Variants in LRRC4C observed in about 807,000 individuals in gnomAD.
LRRC4C encodes the protein leucine rich repeat containing 4C, also known as leucine-rich repeat-containing protein 4C.
Under a neutral mutation model 33.6 loss-of-function variants are expected in LRRC4C, and 5 were observed. That is an observed-to-expected ratio of 0.15 (90% confidence interval 0.08 to 0.31). The LOEUF is 0.31. Among genes scored for constraint, LRRC4C ranks in the 10% least tolerant of loss-of-function variants. The pLI is 1.00. For missense variants in LRRC4C, 560 were observed against 796.7 expected (o/e 0.70, Z 3.58); for synonymous variants, 329 against 302.0 (o/e 1.09, Z -0.93).
intron 4 of LRRC4C, among the ~76,000 whole-genome samples, chr11:40,294,414 A>C (rs955884885): frequency 2.0e-5 from 3 of 152,104 alleles, no homozygotes; most frequent in Non-Finnish European, 4.4e-5. Flanking sequence ...GGAAGACATT[A>C]AAATCAAATC....
At chr11:41,184,025 G>A (rs916568934) in intron 1 of LRRC4C, among the ~76,000 whole-genome samples, 1 of 152,176 alleles carries the variant, frequency 6.6e-6, no homozygotes, top group Non-Finnish European at 1.5e-5. Context: ...TGGAGCAGCT[G>A]GGACACAGGA....
At chr11:41,325,368 G>C (rs1951077906) in intron 1 of LRRC4C, among the ~76,000 whole-genome samples, 1 of 152,018 alleles carries the variant, frequency 6.6e-6, no homozygotes, top group African/African-American at 2.4e-5. Flanking sequence ...TAGCTTTACT[G>C]GAAGTTGCTA....
At chr11:41,427,726 C>T (rs1178644659) in intron 1 of LRRC4C, among the ~76,000 whole-genome samples, 1 of 152,158 alleles carries the variant, frequency 6.6e-6, no homozygotes, top group Non-Finnish European at 1.5e-5. Flanking sequence ...TGCAAGTATA[C>T]ATCCAGATGG....
chr11:40,467,842 T>G (rs1371971451), intron 3 of LRRC4C, among the ~76,000 whole-genome samples: 1 of 152,180 alleles, frequency 6.6e-6, no homozygotes, highest in Non-Finnish European at 1.5e-5. Flanking sequence ...TACAGATAGA[T>G]CTCCCTCCTA....
intron 2 of LRRC4C, among the ~76,000 whole-genome samples, chr11:40,874,972 T>C (rs1304859924): frequency 6.6e-6 from 1 of 152,206 alleles, no homozygotes; most frequent in Admixed American, 6.5e-5. Context: ...GAGAAGTCAT[T>C]TGAGTCATAT....
intron 1 of LRRC4C, among the ~76,000 whole-genome samples, chr11:41,207,475 G>A (rs533719047): frequency 6.6e-6 from 1 of 152,206 alleles, no homozygotes; most frequent in East Asian, 1.9e-4. Flanking sequence ...TGGCTTTAAG[G>A]AGGCAATTAA....
At chr11:41,417,527 G>A (rs1178880832) in intron 1 of LRRC4C, among the ~76,000 whole-genome samples, 1 of 151,986 alleles carries the variant, frequency 6.6e-6, no homozygotes, top group Admixed American at 6.6e-5. Context: ...GAAGAGTTTG[G>A]CATAGGTCTA....
At chr11:40,991,900 G>A (rs1280651233) in intron 1 of LRRC4C, among the ~76,000 whole-genome samples, 15 of 152,102 alleles carry the variant, frequency 9.9e-5, no homozygotes, top group Admixed American at 9.2e-4. Context: ...GTGCAACCCA[G>A]TTCCTAACAG....
chr11:40,558,232 G>T (rs1957406052), intron 3 of LRRC4C, among the ~76,000 whole-genome samples: 1 of 152,160 alleles, frequency 6.6e-6, no homozygotes, highest in African/African-American at 2.4e-5. Flanking sequence ...TAATATTTGA[G>T]ACAATAACAA....
chr11:40,451,077 A>T (rs1017603318), intron 3 of LRRC4C, among the ~76,000 whole-genome samples: 5 of 151,812 alleles, frequency 3.3e-5, no homozygotes, highest in African/African-American at 1.2e-4. Flanking sequence ...TATTTATACA[A>T]ATCTTTAAAT....
intron 3 of LRRC4C, among the ~76,000 whole-genome samples, chr11:40,638,152 C>T (rs1941875552): frequency 6.6e-6 from 1 of 152,082 alleles, no homozygotes; most frequent in South Asian, 2.1e-4. Context: ...AGAACTTGTC[C>T]CCCATTCAAC....
chr11:41,192,464 C>A, intron 1 of LRRC4C, among the ~76,000 whole-genome samples: 1 of 151,970 alleles, frequency 6.6e-6, no homozygotes, highest in Non-Finnish European at 1.5e-5. Context: ...CACACACATA[C>A]ACATATATAA....
chr11:40,220,853 C>G (rs1382847964), intron 5 of LRRC4C, among the ~76,000 whole-genome samples: 1 of 145,774 alleles, frequency 6.9e-6, no homozygotes, highest in Non-Finnish European at 1.5e-5. Flanking sequence ...TTTTTTCAGC[C>G]TATTTCCTAT....
At chr11:41,006,869 T>C (rs1308327301) in intron 1 of LRRC4C, among the ~76,000 whole-genome samples, 1 of 152,186 alleles carries the variant, frequency 6.6e-6, no homozygotes. Flanking sequence ...AATAGTGTTT[T>C]TATATTTATT....
intron 1 of LRRC4C, among the ~76,000 whole-genome samples, chr11:40,972,199 C>T (rs1851774639): frequency 6.7e-6 from 1 of 148,652 alleles, no homozygotes; most frequent in African/African-American, 2.5e-5. Context: ...TGCAGTGGTG[C>T]AATCTTGGCT....
chr11:40,689,899 C>A (rs1299451571), intron 2 of LRRC4C, among the ~76,000 whole-genome samples: 1 of 152,090 alleles, frequency 6.6e-6, no homozygotes, highest in Non-Finnish European at 1.5e-5. Context: ...GATTTCTCTC[C>A]TTACCCATAG....
intron 2 of LRRC4C, among the ~76,000 whole-genome samples, chr11:40,681,658 C>T (rs929327356): frequency 1.0e-4 from 15 of 148,356 alleles, no homozygotes; most frequent in African/African-American, 3.6e-4. Flanking sequence ...CCAACACTTT[C>T]GGAAGCTGAG....
intron 1 of LRRC4C, among the ~76,000 whole-genome samples, chr11:41,054,308 C>T (rs139186544): frequency 6.6e-6 from 1 of 152,140 alleles, no homozygotes; most frequent in South Asian, 2.1e-4. Context: ...AACCGGTGAA[C>T]GTTCATTGGG....
intron 1 of LRRC4C, among the ~76,000 whole-genome samples, chr11:41,347,064 T>A (rs917510947): frequency 1.3e-5 from 2 of 152,216 alleles, no homozygotes; most frequent in Non-Finnish European, 2.9e-5. Context: ...ATTTGAAATG[T>A]ATACATGCCC....
Sources: gnomAD v4.1 joint callset for allele counts (sites outside exome capture counted in the v4.1 genomes callset) on GRCh38, gnomAD v4.1.1 for gene constraint, MANE v1.5 for transcripts, NCBI Gene and HGNC (gene_info 2026-07-23, HGNC 2026-07-21) for gene names.